Variants in MINDY2 observed in about 807,000 individuals in gnomAD.
The protein encoded by MINDY2 is MINDY lysine 48 deubiquitinase 2.
Under a neutral mutation model 68.2 loss-of-function variants are expected in MINDY2, and 52 were observed. The ratio of observed to expected loss-of-function variants is 0.76; its 90% confidence interval spans 0.61 to 0.96. MINDY2 has a LOEUF of 0.96. Among genes scored for constraint, MINDY2 ranks in the 40% least tolerant of loss-of-function variants. The pLI is 0.00. For missense variants in MINDY2, 881 were observed against 773.4 expected, an observed-to-expected ratio of 1.14 and a Z score of -1.65; for synonymous variants, 372 against 303.0, an observed-to-expected ratio of 1.23 and a Z score of -2.36.
intron 2 of MINDY2, among the ~76,000 whole-genome samples, chr15:58,789,173 TA>T (rs1485076260): frequency 6.6e-6 from 1 of 151,922 alleles, no homozygotes; most frequent in Non-Finnish European, 1.5e-5. Flanking sequence ...CCGTCTCGAC[TA>T]AAAAATACAA....
Position 58,787,936 on chromosome 15 carries a change from A to G in MINDY2, c.871A>G (p.Thr291Ala). The G allele has an allele frequency of 6.3e-7, 1 of 1,596,866 alleles. No individual in the cohort carries two copies. Among genetic ancestry groups the G allele is most frequent in the Non-Finnish European group, 8.5e-7 (1 of 1,173,254 alleles). Residue 291 changes from threonine to alanine, a missense_variant, in exon 2 of 9, where the codon ACT becomes GCT. Coordinates refer to ENST00000559228, the MANE Select transcript of MINDY2 (RefSeq NM_001040450.3). ...ACTTCCACCGATGATGGAAATCATA[A>G]CTGCTGAGCAGCTGATGGAATATTT... ...VKLPPMMEII[T>A]AEQLMEYLGD...
intron 6 of MINDY2, among the ~76,000 whole-genome samples, chr15:58,836,644 G>A (rs775927116): frequency 1.3e-5 from 2 of 151,834 alleles, no homozygotes; most frequent in Non-Finnish European, 2.9e-5. Context: ...CCTGAAACAG[G>A]GTCTTGCTCT....
intron 5 of MINDY2, among the ~76,000 whole-genome samples, chr15:58,829,990 A>G (rs921001694): frequency 6.6e-6 from 1 of 152,158 alleles, no homozygotes; most frequent in Non-Finnish European, 1.5e-5. Flanking sequence ...CCCTGTATCT[A>G]TATCTCTCAG....
chr15:58,838,345 C>G (rs1300799651), intron 6 of MINDY2, among the ~76,000 whole-genome samples: 4 of 151,744 alleles, frequency 2.6e-5, no homozygotes, highest in Non-Finnish European at 4.4e-5. Context: ...TTGTAGTGAG[C>G]CAAGATCATG....
intron 3 of MINDY2, among the ~76,000 whole-genome samples, chr15:58,803,490 G>A (rs1027722166): frequency 1.3e-5 from 2 of 148,772 alleles, no homozygotes; most frequent in Admixed American, 1.3e-4. Flanking sequence ...AAAAGAAGAA[G>A]AATCAACAAC....
At chr15:58,839,451 C>T (rs1216899375) in intron 6 of MINDY2, among the ~76,000 whole-genome samples, 1 of 152,054 alleles carries the variant, frequency 6.6e-6, no homozygotes, top group African/African-American at 2.4e-5. Context: ...CCTGCCTCAG[C>T]CCCCGGAGTA....
chr15:58,785,745 CT>C (rs1901455806), intron 1 of MINDY2, among the ~76,000 whole-genome samples: 1 of 152,124 alleles, frequency 6.6e-6, no homozygotes, highest in Non-Finnish European at 1.5e-5. Context: ...GGCACGATCT[CT>C]GCTCACTGAA....
At chr15:58,795,572 T>C (rs1035955148) in intron 2 of MINDY2, among the ~76,000 whole-genome samples, 2 of 151,828 alleles carry the variant, frequency 1.3e-5, no homozygotes, top group Non-Finnish European at 2.9e-5. Context: ...GCCCAGCTAA[T>C]TTTTTGTATT....
At chr15:58,830,220 T>C (rs1015909194) in intron 5 of MINDY2, among the ~76,000 whole-genome samples, 3 of 152,178 alleles carry the variant, frequency 2.0e-5, no homozygotes, top group Non-Finnish European at 4.4e-5. Context: ...AGGATAAATA[T>C]GAGTGAGTTT....
chr15:58,828,156 C>CAA (rs779627832), intron 5 of MINDY2, among the ~76,000 whole-genome samples: 3 of 125,506 alleles, frequency 2.4e-5, no homozygotes, highest in Non-Finnish European at 1.7e-5. Context: ...GACTCCATCT[C>CAA]AAAAAAAAAA....
intron 1 of MINDY2, among the ~76,000 whole-genome samples, chr15:58,786,737 C>A (rs1901527940): frequency 1.3e-5 from 2 of 152,196 alleles, no homozygotes; most frequent in Admixed American, 6.5e-5. Context: ...ACCTCAGAAT[C>A]CCCTTAAAAG....
intron 1 of MINDY2, among the ~76,000 whole-genome samples, chr15:58,778,343 C>A (rs1273864438): frequency 2.0e-5 from 3 of 151,962 alleles, no homozygotes; most frequent in African/African-American, 7.3e-5. Context: ...ATTCTTTTCC[C>A]AATTTTTTTC....
rs552965620 is a variant in MINDY2, at chr15:58,859,086, A to G, written c.*4476A>G. ...TCAATAACAAAATATATCTTAAGTC[A>G]GTTTTTTTAATGCTGTCAAAATTTG... On this transcript the variant is annotated 3_prime_UTR_variant, in exon 9 of 9. Coordinates refer to ENST00000559228, the MANE Select transcript of MINDY2 (RefSeq NM_001040450.3). 6.6e-6 allele frequency: 1 copy of G among 152,208 alleles called. No homozygotes were observed. Among genetic ancestry groups the G allele is most frequent in the South Asian group, 2.1e-4 (1 of 4,826 alleles). The allele number at this position is 152,208 out of a possible 1,614,324, so 9.4% of individuals were successfully genotyped here.
chr15:58,824,745 CTG>C (rs2031285864), intron 5 of MINDY2, among the ~76,000 whole-genome samples: 1 of 150,620 alleles, frequency 6.6e-6, no homozygotes, highest in Admixed American at 6.6e-5. Context: ...TCTCGGCTCA[CTG>C]TAACCTCTGC....
intron 5 of MINDY2, among the ~76,000 whole-genome samples, chr15:58,829,168 T>C (rs968239131): frequency 2.6e-5 from 4 of 152,208 alleles, no homozygotes; most frequent in Non-Finnish European, 5.9e-5. Flanking sequence ...TGAAACTAGA[T>C]TGAGCTTTTC....
intron 6 of MINDY2, among the ~76,000 whole-genome samples, chr15:58,846,254 C>A (rs1459586462): frequency 6.6e-6 from 1 of 152,056 alleles, no homozygotes; most frequent in Non-Finnish European, 1.5e-5. Flanking sequence ...AGGCTGGATA[C>A]CACATTTACC....
intron 2 of MINDY2, among the ~76,000 whole-genome samples, chr15:58,797,434 G>C (rs1902356916): frequency 6.6e-6 from 1 of 152,136 alleles, no homozygotes; most frequent in Non-Finnish European, 1.5e-5. Flanking sequence ...CTTGAGCCTG[G>C]AAGTTCAAGG....
chr15:58,848,593 T>C (rs2032654207), intron 7 of MINDY2, among the ~76,000 whole-genome samples: 2 of 151,590 alleles, frequency 1.3e-5, no homozygotes, highest in African/African-American at 4.8e-5. Flanking sequence ...AATATAAAAA[T>C]CAATTATCCG....
At chr15:58,775,118 C>G (rs1385627705) in intron 1 of MINDY2, among the ~76,000 whole-genome samples, 8 of 152,176 alleles carry the variant, frequency 5.3e-5, no homozygotes, top group Admixed American at 2.0e-4. Flanking sequence ...CACTCTTACT[C>G]TCTTACAAGT....
Sources: gnomAD v4.1 joint callset for allele counts (sites outside exome capture counted in the v4.1 genomes callset) on GRCh38, gnomAD v4.1.1 for gene constraint, MANE v1.5 for transcripts, NCBI Gene and HGNC (gene_info 2026-07-23, HGNC 2026-07-21) for gene names.